MED27: variants seen among roughly 807,000 people sequenced by gnomAD.
The protein encoded by MED27 is mediator complex subunit 27, also known as mediator of RNA polymerase II transcription subunit 27.
In MED27, 30 loss-of-function variants were observed where a neutral mutation model predicts 38.2. The observed-to-expected ratio is 0.79, with a 90% confidence interval of 0.59 to 1.07. MED27 has a LOEUF of 1.07. MED27 is among the 50% of genes least tolerant of loss of function. The probability of loss-of-function intolerance (pLI) is 0.00; values close to 1 mark genes in which losing one functional copy is unlikely to be tolerated. For synonymous variants in MED27, 122 were observed against 153.5 expected (o/e 0.79, Z 1.52); for missense variants, 289 against 397.5 (o/e 0.73, Z 2.32).
intron 2 of MED27, among the ~76,000 whole-genome samples, chr9:132,039,164 C>G (rs1027177194): frequency 6.6e-6 from 1 of 152,184 alleles, no homozygotes; most frequent in Non-Finnish European, 1.5e-5. Flanking sequence ...AGTTCTCAAG[C>G]TTGAAAGCAA....
chr9:132,053,601 A>G (rs1833511686), intron 2 of MED27, among the ~76,000 whole-genome samples: 1 of 152,236 alleles, frequency 6.6e-6, no homozygotes, highest in Non-Finnish European at 1.5e-5. Context: ...GCACGGAGAC[A>G]TGAAACAACA....
rs1460410785 is a variant in MED27 at position 132,079,836 on chromosome 9, G to T, written c.9C>A (p.Asp3Glu). Residue 3 changes from aspartate (D) to glutamate (E), a missense_variant, in exon 1 of 8, where the codon GAC becomes GAA. Asp to Glu is a conservative substitution (Grantham distance 45). Transcript: ENST00000292035. MA[D>E]VINVSVNLEA... ...CCAGGTTCACACTGACATTTATCAC[G>T]TCCGCCATGTTGCCGCCGCCACAGC... 1 of 1,585,918 alleles carries T rather than the reference G, an allele frequency of 6.3e-7. No homozygotes were observed. Among genetic ancestry groups the T allele is most frequent in the Admixed American group, 1.8e-5 (1 of 54,592 alleles).
intron 2 of MED27, among the ~76,000 whole-genome samples, chr9:132,053,903 A>AAT (rs1245397896): frequency 1.3e-5 from 2 of 152,004 alleles, no homozygotes; most frequent in East Asian, 1.9e-4. Flanking sequence ...ATTGGGAAAA[A>AAT]ATATATATAA....
intron 2 of MED27, among the ~76,000 whole-genome samples, chr9:132,024,374 G>T (rs1445688498): frequency 6.6e-6 from 1 of 152,152 alleles, no homozygotes; most frequent in African/African-American, 2.4e-5. Context: ...GTGTGCAAAA[G>T]CCTTAAGCAC....
In MED27 at chr9:131,932,168, C is replaced by T. The variant is rs867308030; in HGVS notation, c.573+7213G>A. On this transcript the variant is annotated intron_variant, in intron 4 of 7. Coordinates refer to ENST00000292035, the MANE Select transcript of MED27 (RefSeq NM_004269.4). Reference sequence around the variant, plus strand: ...ATTAAAAAAAAAACTATAAGAATATCAAGCATCTTCTCTGACCACACTGGA... The same window carrying T: ...ATTAAAAAAAAAACTATAAGAATATTAAGCATCTTCTCTGACCACACTGGA... Among the ~76,000 whole-genome samples, 12 of 151,560 alleles carry T rather than the reference C, an allele frequency of 7.9e-5. No homozygotes were observed. The South Asian group carries it at 2.3e-3, about 29-fold the overall frequency.
chr9:132,047,094 G>A (rs1412159046), intron 2 of MED27, among the ~76,000 whole-genome samples: 1 of 152,092 alleles, frequency 6.6e-6, no homozygotes, highest in Non-Finnish European at 1.5e-5. Context: ...TTAAAGATAT[G>A]TATGTAAAAG....
chr9:131,878,360 C>T (rs959663122), intron 6 of MED27, among the ~76,000 whole-genome samples: 2 of 151,914 alleles, frequency 1.3e-5, no homozygotes, highest in African/African-American at 2.4e-5. Context: ...AAGAAGCAAG[C>T]GGCACCCTGC....
intron 4 of MED27, among the ~76,000 whole-genome samples, chr9:131,904,541 G>GCA (rs986548626): frequency 3.0e-5 from 4 of 134,740 alleles, no homozygotes; most frequent in African/African-American, 1.4e-4. Flanking sequence ...ATAGAGATCG[G>GCA]GGGGGAGCGG....
chr9:132,071,634 T>C (rs1287952895), intron 2 of MED27, among the ~76,000 whole-genome samples: 3 of 149,816 alleles, frequency 2.0e-5, no homozygotes, highest in Non-Finnish European at 4.4e-5. Flanking sequence ...AACCCACACC[T>C]CATGAACGAA....
At position 132,079,836 on chromosome 9, in the gene MED27, G is replaced by C; in HGVS notation, c.9C>G (p.Asp3Glu). The C allele has an allele frequency of 1.3e-6, 2 of 1,585,918 alleles. No individual in the cohort carries two copies. Among genetic ancestry groups the C allele is most frequent in the Non-Finnish European group, 8.6e-7 (1 of 1,165,700 alleles). The change falls in exon 1 of 8, where the codon GAC becomes GAG. Residue 3 changes from aspartate (D) to glutamate (E), a missense_variant. Transcript: ENST00000292035. ...CCAGGTTCACACTGACATTTATCACGTCCGCCATGTTGCCGCCGCCACAGC... is the reference window on the plus strand; with the variant it reads ...CCAGGTTCACACTGACATTTATCACCTCCGCCATGTTGCCGCCGCCACAGC... MA[D>E]VINVSVNLEA...
intron 4 of MED27, among the ~76,000 whole-genome samples, chr9:131,904,574 G>A (rs1830019155): frequency 6.6e-6 from 1 of 151,080 alleles, no homozygotes; most frequent in South Asian, 2.1e-4. Context: ...GCCCAGGCTG[G>A]CCTTGAACTC....
chr9:131,863,518 A>G (rs1838686772), intron 6 of MED27, among the ~76,000 whole-genome samples: 1 of 152,212 alleles, frequency 6.6e-6, no homozygotes, highest in Admixed American at 6.5e-5. Context: ...GACAAGGAGC[A>G]CTTCCGCCCG....
At chr9:132,065,895 T>C (rs893089417) in intron 2 of MED27, among the ~76,000 whole-genome samples, 12 of 152,366 alleles carry the variant, frequency 7.9e-5, no homozygotes, top group African/African-American at 2.9e-4. Flanking sequence ...TTCCCTTTTA[T>C]AGCTGCCAAA....
intron 6 of MED27, among the ~76,000 whole-genome samples, chr9:131,880,738 T>C (rs925189778): frequency 6.6e-6 from 1 of 152,132 alleles, no homozygotes; most frequent in Non-Finnish European, 1.5e-5. Context: ...TGTTTGTAAT[T>C]TTAAATAAAT....
In MED27 at chr9:131,963,048, G is replaced by A. The variant is rs75375391; in HGVS notation, c.480-23574C>T. On this transcript the variant is annotated intron_variant, in intron 3 of 7. Transcript: ENST00000292035. ...TATAAAAATAAAACTTTAAAAAGCC[G>A]AACATAAATTTCTAAACCTGTGCTG... Among the ~76,000 whole-genome samples, 99 of 152,224 alleles carry A rather than the reference G, an allele frequency of 6.5e-4. 1 individual carries two copies. The East Asian group carries it at 0.018, about 28-fold the overall frequency.
intron 2 of MED27, among the ~76,000 whole-genome samples, chr9:132,029,513 A>G (rs1032156468): frequency 1.3e-5 from 2 of 152,256 alleles, no homozygotes; most frequent in Non-Finnish European, 2.9e-5. Flanking sequence ...TCTTTAACAG[A>G]CACAGGACAG....
At chr9:131,869,493 G>T in intron 6 of MED27, 2 of 853,060 alleles carry the variant, frequency 2.3e-6, no homozygotes, top group Non-Finnish European at 2.8e-6. Context: ...TCCGCTGGGA[G>T]ATAAAAGCCG....
At chr9:131,875,278 C>A (rs956470651) in intron 6 of MED27, among the ~76,000 whole-genome samples, 5 of 152,130 alleles carry the variant, frequency 3.3e-5, no homozygotes, top group Admixed American at 3.3e-4. Context: ...ATCTTCAGCT[C>A]ACTTTGTGAC....
intron 4 of MED27, among the ~76,000 whole-genome samples, chr9:131,923,954 T>C (rs1830439309): frequency 6.6e-6 from 1 of 152,242 alleles, no homozygotes; most frequent in African/African-American, 2.4e-5. Context: ...TTCTCATTCT[T>C]TTCTGAAGAT....
Sources: gnomAD v4.1 joint callset for allele counts (sites outside exome capture counted in the v4.1 genomes callset) on GRCh38, gnomAD v4.1.1 for gene constraint, MANE v1.5 for transcripts, NCBI Gene and HGNC (gene_info 2026-07-23, HGNC 2026-07-21) for gene names.